AP2A2: variants seen among roughly 807,000 people sequenced by gnomAD.
The protein encoded by AP2A2 is adaptor related protein complex 2 subunit alpha 2.
In AP2A2, 32 loss-of-function variants were observed where a neutral mutation model predicts 104.2. That is an observed-to-expected ratio of 0.31 (90% CI 0.23 to 0.41). The LOEUF is 0.41. Among genes scored for constraint, AP2A2 ranks in the 10% least tolerant of loss-of-function variants. The pLI is 1.00. For synonymous variants in AP2A2, 539 were observed against 533.3 expected, an observed-to-expected ratio of 1.01 and a Z score of -0.15; for missense variants, 912 against 1,261.0, an observed-to-expected ratio of 0.72 and a Z score of 4.19.
intron 15 of AP2A2, among the ~76,000 whole-genome samples, chr11:1,001,174 C>G (rs1856018854): frequency 6.6e-6 from 1 of 152,208 alleles, no homozygotes; most frequent in South Asian, 2.1e-4. Context: ...GGTGCCTGGG[C>G]ACCTCCCGGC....
rs750204025 is a variant in AP2A2 at position 1,011,416 on chromosome 11, G to C, written c.*791G>C. 2 of 508,522 alleles carry C rather than the reference G, an allele frequency of 3.9e-6. No homozygotes were observed. The highest frequency in any genetic ancestry group is 7.8e-6 in the Non-Finnish European group (2 of 254,912). The allele number at this position is 508,522 out of a possible 1,614,324, so 31.5% of individuals were successfully genotyped here. On this transcript the variant is annotated 3_prime_UTR_variant, in exon 22 of 22. Transcript: ENST00000448903. ...TCGTCTCTTTCCTGTCAGAGTGGGC[G>C]TCCCCAGGCCACGGTGCAGGCCTGA... is the stretch of plus-strand genomic sequence containing the variant.
intron 4 of AP2A2, among the ~76,000 whole-genome samples, chr11:976,060 T>C (rs2134647303): frequency 6.6e-6 from 1 of 152,314 alleles, no homozygotes; most frequent in African/African-American, 2.4e-5. Flanking sequence ...GGCCCAGTCA[T>C]GGGGTCCTGA....
chr11:978,373 T>C (rs1415168104), intron 5 of AP2A2, among the ~76,000 whole-genome samples: 1 of 152,196 alleles, frequency 6.6e-6, no homozygotes, highest in Non-Finnish European at 1.5e-5. Context: ...AGGGTCACCC[T>C]GAGTGCTTTT....
Position 1,009,402 on chromosome 11 carries a change from C to T in AP2A2, c.2607+5C>T. The T allele has an allele frequency of 2.5e-6, 4 of 1,612,170 alleles. No individual in the cohort carries two copies. The highest frequency in any genetic ancestry group is 3.4e-6 in the Non-Finnish European group (4 of 1,178,808). ...ACAGAAGTCACCAAAGCCAAGGTAA[C>T]ACGTCTGGAGGGACGGCCCCGGGGG... On this transcript the variant is annotated splice_donor_5th_base_variant and intron_variant, in intron 20 of 21. Coordinates refer to ENST00000448903, the MANE Select transcript of AP2A2 (RefSeq NM_012305.4).
chr11:957,904 T>A (rs1043046838), intron 1 of AP2A2, among the ~76,000 whole-genome samples: 1 of 152,260 alleles, frequency 6.6e-6, no homozygotes, highest in Non-Finnish European at 1.5e-5. Context: ...TTGCTCATCC[T>A]TGTGCCTTGG....
intron 1 of AP2A2, among the ~76,000 whole-genome samples, chr11:938,079 C>T (rs1853522450): frequency 6.6e-6 from 1 of 152,234 alleles, no homozygotes; most frequent in Admixed American, 6.5e-5. Flanking sequence ...TTTGTCTTTC[C>T]TGTGACTTCT....
At chr11:979,818 C>T (rs920521950) in intron 5 of AP2A2, among the ~76,000 whole-genome samples, 10 of 152,204 alleles carry the variant, frequency 6.6e-5, no homozygotes, top group Non-Finnish European at 1.0e-4. Flanking sequence ...CCGCCTGCTT[C>T]GGCCTCCCAA....
At chr11:1,010,263 C>A in intron 21 of AP2A2, 1 of 544,862 alleles carries the variant, frequency 1.8e-6, no homozygotes, top group Non-Finnish European at 3.3e-6. Context: ...TGCTGTCGCC[C>A]AGGGCCTGTG....
At chr11:936,204 G>GC (rs1319583309) in intron 1 of AP2A2, among the ~76,000 whole-genome samples, 1 of 134,420 alleles carries the variant, frequency 7.4e-6, no homozygotes, top group East Asian at 2.2e-4. Context: ...ACTGCGCCTG[G>GC]CCTTTTTTTT....
chr11:944,086 G>T (rs896032590), intron 1 of AP2A2, among the ~76,000 whole-genome samples: 1 of 152,238 alleles, frequency 6.6e-6, no homozygotes, highest in African/African-American at 2.4e-5. Flanking sequence ...GGAGATGCAG[G>T]TGGCAGCGGA....
At position 1,006,627 on chromosome 11, in the gene AP2A2, G is replaced by A. The variant is rs781617350; in HGVS notation, c.2296+10G>A. ...GACGACCTTCAGCCTAATATCCTTG[G>A]CTTCATTGCCCCATGCCCGCAGACA... On this transcript the variant is annotated intron_variant, in intron 17 of 21. Coordinates refer to ENST00000448903, the MANE Select transcript of AP2A2 (RefSeq NM_012305.4). 6.2e-7 allele frequency: 1 copy of A among 1,607,222 alleles called. No individual in the cohort carries two copies. Among genetic ancestry groups the A allele is most frequent in the South Asian group, 1.1e-5 (1 of 90,628 alleles).
At position 993,341 on chromosome 11, in the gene AP2A2, G is replaced by T; in HGVS notation, c.1510G>T (p.Gly504Trp). The change falls in exon 12 of 22, where the codon GGG (glycine) becomes TGG (tryptophan). Residue 504 changes from glycine to tryptophan, a missense_variant. Coordinates refer to ENST00000448903, the MANE Select transcript of AP2A2 (RefSeq NM_012305.4). This position sits in a 1 kb window ranked among gnomAD's most constrained non-coding sequence, Gnocchi z 8.2. ...NLVKVGGYIL[G>W]EFGNLIAGDP... ...GGTCAAAGTGGGCGGCTACATCCTG[G>T]GGGAGTTTGGAAACTTGATAGCTGG... 1 of 1,612,670 alleles carries T rather than the reference G, an allele frequency of 6.2e-7. No homozygotes were observed. Among genetic ancestry groups the T allele is most frequent in the Non-Finnish European group, 8.5e-7 (1 of 1,179,524 alleles).
rs1354955464 is a variant in AP2A2 at position 985,602 on chromosome 11, A to C, written c.962+20A>C. Reference sequence around the variant, plus strand: ...TGACAGGTGTGTCGGCTGCCTGTGGAGAGGCTTCGTCTCGCGCACACACAC... The same window carrying C: ...TGACAGGTGTGTCGGCTGCCTGTGGCGAGGCTTCGTCTCGCGCACACACAC... On this transcript the variant is annotated intron_variant, in intron 8 of 21. Coordinates refer to ENST00000448903, the MANE Select transcript of AP2A2 (RefSeq NM_012305.4). The C allele has an allele frequency of 6.2e-7, 1 of 1,613,662 alleles. No homozygotes were observed. Among genetic ancestry groups the C allele is most frequent in the South Asian group, 1.1e-5 (1 of 91,056 alleles).
rs764863553 is a variant in AP2A2, at chr11:994,004, T to A, written c.1782+19T>A. On this transcript the variant is annotated intron_variant, in intron 13 of 21. Transcript: ENST00000448903. ...CATTCTGGTAGGAGGCCCCCGCCCT[T>A]CGGGCTGGCTTGGCTGAGGGTTGGA... 4.4e-6 allele frequency: 7 copies of A among 1,609,162 alleles called. No homozygotes were observed. In the African/African-American group the frequency reaches 9.4e-5, roughly 22 times the overall value.
intron 2 of AP2A2, among the ~76,000 whole-genome samples, chr11:962,603 C>T (rs964015914): frequency 2.0e-5 from 3 of 151,912 alleles, no homozygotes; most frequent in East Asian, 1.9e-4. Flanking sequence ...TGTGGAGGCG[C>T]GTGCCTATAG....
In AP2A2 at chr11:992,676, T is replaced by C; in HGVS notation, c.1443T>C (p.Thr481=). Residue 481 remains threonine, a synonymous_variant, in exon 11 of 22, where the codon ACT becomes ACC. Transcript: ENST00000448903. The surrounding 1 kb of genome is among the most constrained non-coding windows in gnomAD (Gnocchi z 6.4). Reference sequence around the variant, plus strand: ...ACGTGCAGGGCTACGCGGCCAAGACTGTGTTCGAGGTATGGCCCGCAGGAT... The same window carrying C: ...ACGTGCAGGGCTACGCGGCCAAGACCGTGTTCGAGGTATGGCCCGCAGGAT... ...RDDVQGYAAK[T]VFEALQAPAC... 1 of 1,613,830 alleles carries C rather than the reference T, an allele frequency of 6.2e-7. No individual in the cohort carries two copies. Among genetic ancestry groups the C allele is most frequent in the South Asian group, 1.1e-5 (1 of 91,078 alleles).
intron 1 of AP2A2, among the ~76,000 whole-genome samples, chr11:949,748 C>T (rs1181802807): frequency 1.3e-5 from 2 of 150,732 alleles, no homozygotes; most frequent in East Asian, 1.9e-4. Context: ...GCACTCCAGC[C>T]TGGGTGACAG....
chr11:962,524 G>C (rs1166498807), intron 2 of AP2A2, among the ~76,000 whole-genome samples: 1 of 152,150 alleles, frequency 6.6e-6, no homozygotes, highest in Non-Finnish European at 1.5e-5. Context: ...ATTGAGGTCG[G>C]GAGTTCGAGA....
intron 1 of AP2A2, among the ~76,000 whole-genome samples, chr11:950,316 T>G (rs572080226): frequency 5.1e-4 from 78 of 151,508 alleles, no homozygotes; most frequent in African/African-American, 1.8e-3. Context: ...ATATGGTTTT[T>G]TTTTTTTTTT....
Sources: allele counts gnomAD v4.1 joint callset (sites outside exome capture counted in the v4.1 genomes callset), GRCh38; gene constraint gnomAD v4.1.1; non-coding constraint Gnocchi (gnomAD v3.1); transcripts MANE v1.5; gene names NCBI Gene and HGNC (gene_info 2026-07-23, HGNC 2026-07-21).